The following TMTC3 variants were observed in gnomAD, a reference collection of about 807,000 sequenced individuals.
TMTC3 encodes transmembrane O-mannosyltransferase targeting cadherins 3, also known as protein O-mannosyl-transferase TMTC3.
TMTC3 carries 52 observed loss-of-function variants against 92.2 expected under a neutral mutation model. The observed-to-expected ratio is 0.56, with a 90% CI of 0.45 to 0.71. The LOEUF (loss-of-function observed/expected upper bound fraction) is 0.71. Among genes scored for constraint, TMTC3 ranks in the 30% least tolerant of loss-of-function variants. The pLI, the probability that TMTC3 is intolerant of heterozygous loss-of-function variation, is 0.00. For synonymous variants in TMTC3, 339 were observed against 363.3 expected (o/e 0.93, Z 0.76); for missense variants, 896 against 1,057.1 (o/e 0.85, Z 2.11).
chr12:88,153,677 C>T (rs1419568806), intron 3 of TMTC3, among the ~76,000 whole-genome samples, 168 bp downstream of exon 3: 1 of 151,772 alleles, frequency 6.6e-6, no homozygotes, highest in Non-Finnish European at 1.5e-5. Context: ...TCCTAGTATG[C>T]AAAGTATAAC....
chr12:88,163,456 A>C (rs527435642), intron 6 of TMTC3, among the ~76,000 whole-genome samples: 1 of 152,180 alleles, frequency 6.6e-6, no homozygotes, highest in South Asian at 2.1e-4. Context: ...GCTGTAACAA[A>C]TAACTACAAA....
chr12:88,170,575 A>G (rs537941276), intron 7 of TMTC3, among the ~76,000 whole-genome samples: 3 of 152,304 alleles, frequency 2.0e-5, no homozygotes, highest in African/African-American at 7.2e-5. Flanking sequence ...GCCTTATTAC[A>G]AATCATTAAT....
intron 4 of TMTC3, among the ~76,000 whole-genome samples, chr12:88,156,108 C>CA (rs886887881): frequency 8.6e-5 from 13 of 150,324 alleles, no homozygotes; most frequent in Admixed American, 2.0e-4. Context: ...CATCTCAAAA[C>CA]AAAAAAAAAG....
At chr12:88,145,730 A>C (rs1031873658) in intron 1 of TMTC3, among the ~76,000 whole-genome samples, 1 of 152,222 alleles carries the variant, frequency 6.6e-6, no homozygotes, top group African/African-American at 2.4e-5. Context: ...GTAAATCAGC[A>C]CTTTACGTGA....
At chr12:88,158,628 A>G (rs2138378109) in intron 4 of TMTC3, among the ~76,000 whole-genome samples, 1 of 152,156 alleles carries the variant, frequency 6.6e-6, no homozygotes, top group South Asian at 2.1e-4. Context: ...TTTGAAAACA[A>G]TTTCAAAAAT....
At chr12:88,142,825 G>T (rs900486494) in intron 1 of TMTC3, among the ~76,000 whole-genome samples, 10 of 152,154 alleles carry the variant, frequency 6.6e-5, no homozygotes, top group African/African-American at 2.2e-4. Context: ...CATTCCTTTC[G>T]CGGATCGTGG....
chr12:88,148,091 G>A (rs569495319), intron 1 of TMTC3, among the ~76,000 whole-genome samples, 197 bp from the exon 2 acceptor site: 34 of 152,196 alleles, frequency 2.2e-4, no homozygotes, highest in African/African-American at 7.0e-4. Context: ...TAATGTCCCC[G>A]TTATCAGGGA....
intron 13 of TMTC3, among the ~76,000 whole-genome samples, chr12:88,193,184 A>T (rs2041463383): frequency 6.6e-6 from 1 of 152,274 alleles, no homozygotes; most frequent in South Asian, 2.1e-4. Context: ...AATTTTTTAC[A>T]TAATTGGCTG....
In TMTC3 at chr12:88,166,468, A is replaced by G. The variant is rs373515406; in HGVS notation, c.936A>G (p.Ile312Met). ...CDWTMGTIPLIESLLDIRNLA... is the reference protein window; with the variant it reads ...CDWTMGTIPLMESLLDIRNLA... ...GGACCATGGGAACAATACCACTTAT[A>G]GAGTCATTACTAGATATTCGAAATC... Residue 312 changes from isoleucine (I) to methionine (M), a missense_variant, in exon 7 of 14, where the codon ATA becomes ATG. Ile to Met is a conservative substitution (Grantham distance 10). Coordinates refer to ENST00000266712, the MANE Select transcript of TMTC3 (RefSeq NM_181783.4). 1.9e-5 allele frequency: 31 copies of G among 1,613,850 alleles called. No homozygotes were observed. The South Asian group carries it at 3.3e-4, about 17-fold the overall frequency.
intron 1 of TMTC3, among the ~76,000 whole-genome samples, chr12:88,145,650 A>G (rs1195787944): frequency 6.6e-6 from 1 of 152,214 alleles, no homozygotes; most frequent in Non-Finnish European, 1.5e-5. Context: ...AAGGGTAGAT[A>G]TGGTAATCTA....
chr12:88,180,729 A>T (rs1360300873), intron 10 of TMTC3, among the ~76,000 whole-genome samples: 4 of 151,782 alleles, frequency 2.6e-5, no homozygotes, highest in Non-Finnish European at 5.9e-5. Context: ...GTATGGTTTG[A>T]TGCATCATGC....
At chr12:88,177,135 G>A (rs544432691) in intron 10 of TMTC3, among the ~76,000 whole-genome samples, 138 of 152,134 alleles carry the variant, frequency 9.1e-4, no homozygotes, top group Middle Eastern at 3.4e-3. Flanking sequence ...AGACCAGCCT[G>A]GGCAACATGG....
At chr12:88,182,253 A>G (rs2041326418) in intron 10 of TMTC3, among the ~76,000 whole-genome samples, 1 of 152,238 alleles carries the variant, frequency 6.6e-6, no homozygotes, top group South Asian at 2.1e-4. Context: ...AATGTTTAGT[A>G]GGGAAAACAA....
Position 88,148,734 on chromosome 12 carries a change from C to CT in TMTC3, c.189+242dup, listed in dbSNP as rs879353745. ...CTTTGCCTGTGTACCTTGGCTGCTG[C>CT]TTTTTTTTTTTTAACTTTTATTTTA... On this transcript the variant is annotated intron_variant, in intron 2 of 13. Coordinates refer to ENST00000266712, the MANE Select transcript of TMTC3 (RefSeq NM_181783.4). 3.4e-3 allele frequency among the ~76,000 whole-genome samples: 478 copies of CT among 142,214 alleles called. 3 individuals are homozygous for CT. Among genetic ancestry groups the CT allele is most frequent in the East Asian group, 0.015 (72 of 4,906 alleles). The allele number at this position is 142,214 out of a possible 152,430, so 93.3% of individuals were successfully genotyped here. A position where few individuals can be genotyped will look rare whatever the true frequency, so the allele number is the denominator to read the frequency against.
In TMTC3 at chr12:88,194,901, TA is replaced by T; in HGVS notation, c.1998del (p.Asp667MetfsTer25). 6.2e-7 allele frequency: 1 copy of T among 1,613,552 alleles called. No individual in the cohort carries two copies. The highest frequency in any genetic ancestry group is 1.1e-5 in the South Asian group (1 of 91,004). The stretch of plus-strand genomic sequence containing the variant: ...CTAAGTTATATAAATGAAGAGCCAC[TA>T]GATGCTAATGGGTATTTCAATTTGG... ...RLLSYINEEP[L>X]DANGYFNLGM... On this transcript the variant is annotated frameshift_variant, in exon 14 of 14. Coordinates refer to ENST00000266712, the MANE Select transcript of TMTC3 (RefSeq NM_181783.4). LOFTEE classifies it high-confidence loss of function.
Position 88,195,155 on chromosome 12 carries a change from A to G in TMTC3, c.2251A>G (p.Lys751Glu). 1 of 1,613,902 alleles carries G rather than the reference A, an allele frequency of 6.2e-7. No individual in the cohort carries two copies. Among genetic ancestry groups the G allele is most frequent in the African/African-American group, 1.3e-5 (1 of 75,054 alleles). ...LKGDILMNQK[K>E]DILGAKKCFE... Reference sequence around the variant, plus strand: ...AGGAGACATTCTGATGAATCAAAAGAAAGATATACTAGGAGCAAAAAAATG... The same window carrying G: ...AGGAGACATTCTGATGAATCAAAAGGAAGATATACTAGGAGCAAAAAAATG... The change falls in exon 14 of 14, where the codon AAA becomes GAA. Residue 751 changes from lysine (K) to glutamate (E), a missense_variant. Physicochemically the swap from Lys to Glu is moderately conservative, Grantham distance 56 (BLOSUM62 1). Transcript: ENST00000266712.
Position 88,143,736 on chromosome 12 carries a change from G to A in TMTC3, c.-29+1249G>A, listed in dbSNP as rs567597740. 2.6e-5 allele frequency among the ~76,000 whole-genome samples: 4 copies of A among 152,278 alleles called. No homozygotes were observed. The South Asian group carries it at 8.3e-4, about 32-fold the overall frequency. On this transcript the variant is annotated intron_variant, in intron 1 of 13. Transcript: ENST00000266712. Reference sequence around the variant, plus strand: ...AACATGGGATGGTGTTTCTGGAAAGGTGTTCTGATCTGGACCCCAGGAGAG... The same window carrying A: ...AACATGGGATGGTGTTTCTGGAAAGATGTTCTGATCTGGACCCCAGGAGAG...
At chr12:88,192,214 T>G (rs1196103811) in intron 12 of TMTC3, among the ~76,000 whole-genome samples, 3 of 152,084 alleles carry the variant, frequency 2.0e-5, no homozygotes, top group Non-Finnish European at 4.4e-5. Flanking sequence ...GCTGTTATTT[T>G]GTCACCTGAC....
intron 10 of TMTC3, among the ~76,000 whole-genome samples, chr12:88,186,421 AGAAAT>A (rs1396866384): frequency 6.6e-6 from 1 of 152,176 alleles, no homozygotes; most frequent in Non-Finnish European, 1.5e-5. Flanking sequence ...AGGAGAGATA[AGAAAT>A]GAAAGAGACT....
Sources: allele counts gnomAD v4.1 joint callset (sites outside exome capture counted in the v4.1 genomes callset), GRCh38; gene constraint gnomAD v4.1.1; transcripts MANE v1.5; gene names NCBI Gene and HGNC (gene_info 2026-07-23, HGNC 2026-07-21).